Variants in USP53 observed in about 807,000 individuals in gnomAD.
USP53 encodes ubiquitin carboxyl-terminal hydrolase 53.
In USP53, 71 loss-of-function variants were observed where a neutral mutation model predicts 94.9. The observed-to-expected ratio is 0.75, with a 90% confidence interval of 0.62 to 0.91. The LOEUF (loss-of-function observed/expected upper bound fraction) is 0.91. Among genes scored for constraint, USP53 ranks in the 40% least tolerant of loss-of-function variants. The pLI is 0.00. For synonymous variants in USP53, 375 were observed against 422.7 expected (o/e 0.89, Z 1.39); for missense variants, 1,173 against 1,281.0 (o/e 0.92, Z 1.29).
intron 16 of USP53, chr4:119,273,033 T>G (rs1752072955): frequency 6.6e-6 from 1 of 152,158 alleles, no homozygotes; most frequent in African/African-American, 2.4e-5. Context: ...AAGGGCCAGG[T>G]GTAGTGTTTA....
intron 17 of USP53, among the ~76,000 whole-genome samples, chr4:119,289,944 G>A (rs1227990752): frequency 6.6e-6 from 1 of 152,146 alleles, no homozygotes; most frequent in Non-Finnish European, 1.5e-5. Context: ...TACTTTATCT[G>A]TAGTCTGGAC....
At chr4:119,249,550 AC>A (rs1461864210) in intron 7 of USP53, among the ~76,000 whole-genome samples, 3 of 151,352 alleles carry the variant, frequency 2.0e-5, no homozygotes, top group African/African-American at 4.9e-5. Flanking sequence ...TTCATCAGAA[AC>A]CCTTTCAGAA....
In USP53 at chr4:119,248,928, A is replaced by G. The variant is rs551344260; in HGVS notation, c.372+46A>G. 21 of 1,607,000 alleles carry G rather than the reference A, an allele frequency of 1.3e-5. No homozygotes were observed. The East Asian group carries it at 4.0e-4, about 31-fold the overall frequency. On this transcript the variant is annotated intron_variant, in intron 7 of 18. Coordinates refer to ENST00000692078, the MANE Select transcript of USP53 (RefSeq NM_001371395.1). ...TTAAGAAGTCAGGATAGTAGTTTTC[A>G]TTCCTTAGATGGTACAAGTGTTGAG... is the stretch of plus-strand genomic sequence containing the variant.
intron 17 of USP53, among the ~76,000 whole-genome samples, chr4:119,284,346 G>A (rs941427714): frequency 6.6e-6 from 1 of 151,184 alleles, no homozygotes; most frequent in African/African-American, 2.4e-5. Flanking sequence ...CTGGAGAAAG[G>A]ATATAATATA....
At chr4:119,221,411 G>T (rs1307235300) in intron 3 of USP53, 1 of 150,738 alleles carries the variant, frequency 6.6e-6, no homozygotes, top group Non-Finnish European at 1.5e-5. Context: ...TCCAGCCTGG[G>T]TGACAGAGTG....
Position 119,271,871 on chromosome 4 carries a change from G to A in USP53, c.2011G>A (p.Glu671Lys). ...AGCAGAGAAAAATAAAGGCCTTGTA[G>A]AGGGTAAAGTGCATGGTGATAATTG... ...KGAEKNKGLV[E>K]GKVHGDNWQM... Residue 671 changes from glutamate (E) to lysine (K), a missense_variant, in exon 16 of 19, where the codon GAG becomes AAG. By Grantham distance (56) the Glu-to-Lys change is moderately conservative (BLOSUM62 1). Transcript: ENST00000692078. 7 of 1,613,962 alleles carry A rather than the reference G, an allele frequency of 4.3e-6. No homozygotes were observed. The South Asian group carries it at 5.5e-5, about 13-fold the overall frequency.
chr4:119,264,314 G>C (rs1453481081), intron 12 of USP53, among the ~76,000 whole-genome samples: 1 of 152,132 alleles, frequency 6.6e-6, no homozygotes, highest in Non-Finnish European at 1.5e-5. Context: ...TATATATAGG[G>C]ATTTCTTAGA....
Position 119,293,173 on chromosome 4 carries a change from C to G in USP53, c.3184C>G (p.Pro1062Ala), listed in dbSNP as rs1232235380. The G allele has an allele frequency of 1.1e-5, 18 of 1,609,994 alleles. No individual in the cohort carries two copies. The highest frequency in any genetic ancestry group is 4.0e-5 in the African/African-American group (3 of 74,744). ...KYHQRPKLSF[P>A]ESSGFCNNSL... ...CCATCAGAGGCCCAAGCTCTCTTTT[C>G]CAGAGAGCAGTGGCTTTTGTAATAA... is the stretch of plus-strand genomic sequence containing the variant. Residue 1062 changes from proline (P) to alanine (A), a missense_variant, in exon 19 of 19, where the codon CCA (proline) becomes GCA (alanine). Transcript: ENST00000692078.
intron 12 of USP53, among the ~76,000 whole-genome samples, chr4:119,264,020 G>A (rs909439415): frequency 3.9e-5 from 6 of 152,242 alleles, no homozygotes; most frequent in Admixed American, 6.5e-5. Context: ...AGCCGAGATC[G>A]CGCCACTGCA....
rs1388477479 is a variant in USP53, at chr4:119,288,607, A to G, written c.2252-2558A>G. On this transcript the variant is annotated intron_variant, in intron 17 of 18. Coordinates refer to ENST00000692078, the MANE Select transcript of USP53 (RefSeq NM_001371395.1). The stretch of plus-strand genomic sequence containing the variant: ...CTTTGAATGGATACTTTACTCATGC[A>G]TGATTTTGTAACATCCATGTAGGGT... 2.6e-5 allele frequency among the ~76,000 whole-genome samples: 4 copies of G among 152,170 alleles called. No individual in the cohort carries two copies. The East Asian group carries it at 7.7e-4, about 29-fold the overall frequency.
At chr4:119,227,256 TACACACACACACACAC>T (rs3138727) in intron 3 of USP53, among the ~76,000 whole-genome samples, 2 of 125,126 alleles carry the variant, frequency 1.6e-5, no homozygotes, top group South Asian at 2.6e-4. Context: ...TGTCTAACAC[TACACACACACACACAC>T]ACACACACAC....
intron 7 of USP53, 86 bp from the exon 8 acceptor site, chr4:119,256,160 T>G: frequency 1.1e-6 from 1 of 900,240 alleles, no homozygotes. Flanking sequence ...AATTTATACT[T>G]TGGATAATCT....
At chr4:119,257,435 G>A (rs547059506) in intron 9 of USP53, among the ~76,000 whole-genome samples, 11 of 152,194 alleles carry the variant, frequency 7.2e-5, no homozygotes, top group Non-Finnish European at 1.0e-4. Flanking sequence ...GCAAGATTAC[G>A]TCTCACAAAA....
At chr4:119,269,393 C>A (rs983759933) in intron 14 of USP53, among the ~76,000 whole-genome samples, 2 of 152,128 alleles carry the variant, frequency 1.3e-5, no homozygotes, top group Admixed American at 6.5e-5. Flanking sequence ...AGTAAGACAA[C>A]TGGCAAATAG....
At chr4:119,229,516 C>G (rs904692095) in intron 3 of USP53, among the ~76,000 whole-genome samples, 1 of 152,264 alleles carries the variant, frequency 6.6e-6, no homozygotes, top group South Asian at 2.1e-4. Context: ...CAAACAAGCT[C>G]ATTTTCCTAT....
intron 3 of USP53, among the ~76,000 whole-genome samples, chr4:119,222,610 G>A (rs946043831): frequency 3.3e-5 from 5 of 151,974 alleles, no homozygotes; most frequent in East Asian, 1.9e-4. Flanking sequence ...CATCCATGTC[G>A]TTGCAACTGA....
At chr4:119,255,183 A>T (rs4833614) in intron 7 of USP53, among the ~76,000 whole-genome samples, 32,380 of 152,186 alleles carry the variant, frequency 0.21, 4,062 homozygotes, top group South Asian at 0.32. Context: ...CACAGGGGTC[A>T]GGAATCCACT....
intron 17 of USP53, among the ~76,000 whole-genome samples, chr4:119,288,699 G>T (rs952229937): frequency 1.3e-5 from 2 of 152,144 alleles, no homozygotes; most frequent in African/African-American, 4.8e-5. Context: ...CACTTTGGGA[G>T]GCCGACGCTG....
intron 4 of USP53, among the ~76,000 whole-genome samples, chr4:119,237,151 C>T (rs1578442451): frequency 6.6e-6 from 1 of 152,144 alleles, no homozygotes; most frequent in East Asian, 1.9e-4. Context: ...GGAATATTTT[C>T]TGAGCAGTAG....
Sources: gnomAD v4.1 joint callset for allele counts (sites outside exome capture counted in the v4.1 genomes callset) on GRCh38, gnomAD v4.1.1 for gene constraint, MANE v1.5 for transcripts, NCBI Gene and HGNC (gene_info 2026-07-23, HGNC 2026-07-21) for gene names.